The following SLC71A2 variants were observed in gnomAD, a reference collection of about 807,000 sequenced individuals.
SLC71A2 encodes hippocampus abundant transcript-like 1.
chr9:94,391,599 A>G, the SLC71A2 span, among the ~76,000 whole-genome samples: 1 of 151,592 alleles, frequency 6.6e-6, no homozygotes, highest in Non-Finnish European at 1.5e-5. Context: ...TCTTTAAAAA[A>G]TATTTTGGCC....
chr9:94,450,285 G>A, the SLC71A2 span, among the ~76,000 whole-genome samples: 2 of 151,988 alleles, frequency 1.3e-5, no homozygotes, highest in African/African-American at 4.8e-5. Context: ...ACATTTTCCG[G>A]TTCCAGTTTT....
At chr9:94,400,838 A>G in the SLC71A2 span, among the ~76,000 whole-genome samples, 1 of 152,176 alleles carries the variant, frequency 6.6e-6, no homozygotes, top group African/African-American at 2.4e-5. Flanking sequence ...GAACAATTTT[A>G]CTACCTGAAA....
chr9:94,440,545 C>G, the SLC71A2 span, among the ~76,000 whole-genome samples: 1 of 152,044 alleles, frequency 6.6e-6, no homozygotes, highest in Admixed American at 6.5e-5. Flanking sequence ...TTAAAAAAAG[C>G]ATCTATCACA....
At chr9:94,449,214 A>C in the SLC71A2 span, among the ~76,000 whole-genome samples, 1 of 152,318 alleles carries the variant, frequency 6.6e-6, no homozygotes, top group Admixed American at 6.5e-5. Context: ...CACCACCACC[A>C]ATTATGACAA....
At chr9:94,412,174 AC>A in the SLC71A2 span, among the ~76,000 whole-genome samples, 1 of 152,220 alleles carries the variant, frequency 6.6e-6, no homozygotes, top group Non-Finnish European at 1.5e-5. Flanking sequence ...GTTTCTTAAT[AC>A]AAGTGAGGCT....
At chr9:94,400,760 G>T in the SLC71A2 span, among the ~76,000 whole-genome samples, 1 of 152,038 alleles carries the variant, frequency 6.6e-6, no homozygotes, top group Non-Finnish European at 1.5e-5. Flanking sequence ...GCTCACTCTT[G>T]TTCTCTGAAG....
At chr9:94,389,058 C>T in the SLC71A2 span, among the ~76,000 whole-genome samples, 2 of 151,720 alleles carry the variant, frequency 1.3e-5, no homozygotes, top group East Asian at 1.9e-4. Context: ...GGGCCTTAGA[C>T]GCCAGTCCTA....
the SLC71A2 span, chr9:94,460,214 A>AAAGT: frequency 1.3e-5 from 2 of 152,618 alleles, no homozygotes; most frequent in East Asian, 3.8e-4. Context: ...TGCTTCTAAG[A>AAAGT]AAGTTATTAA....
chr9:94,382,088 G>A, the SLC71A2 span, among the ~76,000 whole-genome samples: 8 of 151,560 alleles, frequency 5.3e-5, no homozygotes, highest in African/African-American at 1.7e-4. Flanking sequence ...GTGCGGTGGC[G>A]TGATCTTGGC....
the SLC71A2 span, among the ~76,000 whole-genome samples, chr9:94,451,936 G>A: frequency 0.069 from 10,435 of 152,284 alleles, 457 homozygotes; most frequent in Non-Finnish European, 0.1. Flanking sequence ...AAGTCTCCTC[G>A]GAAGCCACAG....
chr9:94,448,824 G>T, the SLC71A2 span, among the ~76,000 whole-genome samples: 1 of 152,052 alleles, frequency 6.6e-6, no homozygotes, highest in Admixed American at 6.6e-5. Context: ...GTAGAGACAG[G>T]GTTTTACCAT....
At chr9:94,404,418 C>T in the SLC71A2 span, among the ~76,000 whole-genome samples, 1 of 151,988 alleles carries the variant, frequency 6.6e-6, no homozygotes, top group African/African-American at 2.4e-5. Context: ...GCTTCAGCCC[C>T]CAGAGTAGCT....
At chr9:94,401,821 T>C in the SLC71A2 span, among the ~76,000 whole-genome samples, 1 of 151,986 alleles carries the variant, frequency 6.6e-6, no homozygotes, top group East Asian at 1.9e-4. Flanking sequence ...AGCAAGTTTA[T>C]TAGGAAAGTA....
At chr9:94,431,417 A>G in the SLC71A2 span, among the ~76,000 whole-genome samples, 118 of 151,890 alleles carry the variant, frequency 7.8e-4, no homozygotes, top group Non-Finnish European at 3.4e-4. Flanking sequence ...ATAATGTTAA[A>G]TATTAATAAA....
the SLC71A2 span, among the ~76,000 whole-genome samples, chr9:94,388,692 GT>G: frequency 6.6e-6 from 1 of 151,822 alleles, no homozygotes; most frequent in Non-Finnish European, 1.5e-5. Context: ...GTCTGGAAGG[GT>G]TTATACCAAA....
At chr9:94,383,161 CTTTTTT>C in the SLC71A2 span, among the ~76,000 whole-genome samples, 12 of 105,778 alleles carry the variant, frequency 1.1e-4, no homozygotes, top group Non-Finnish European at 2.2e-4. Context: ...GCTTTTACAT[CTTTTTT>C]TTTTTTTTTT....
the SLC71A2 span, among the ~76,000 whole-genome samples, chr9:94,406,116 G>A: frequency 8.3e-5 from 9 of 108,554 alleles, no homozygotes; most frequent in East Asian, 2.9e-4. Context: ...TGCCCAGGCT[G>A]GAGTGTAGTG....
chr9:94,402,665 C>T, the SLC71A2 span, among the ~76,000 whole-genome samples: 1 of 152,136 alleles, frequency 6.6e-6, no homozygotes, highest in South Asian at 2.1e-4. Context: ...CATTCACTTA[C>T]CAGTGTCTTT....
At chr9:94,433,003 C>G in the SLC71A2 span, 1 of 444,456 alleles carries the variant, frequency 2.2e-6, no homozygotes, top group Non-Finnish European at 4.5e-6. Context: ...TTGAGCTCCT[C>G]TGAACGTTCC....
Sources: allele counts gnomAD v4.1 joint callset (sites outside exome capture counted in the v4.1 genomes callset), GRCh38; gene constraint gnomAD v4.1.1; transcripts MANE v1.5; gene names NCBI Gene and HGNC (gene_info 2026-07-23, HGNC 2026-07-21).